Variants in COP1 observed in about 807,000 individuals in gnomAD.
COP1 encodes the protein E3 ubiquitin-protein ligase COP1.
COP1 carries 24 observed loss-of-function variants against 101.3 expected under a neutral mutation model. The ratio of observed to expected loss-of-function variants is 0.24; its 90% CI spans 0.17 to 0.33. COP1 has a LOEUF of 0.33. Ranked by LOEUF, COP1 falls within the 10% of genes least tolerant of loss-of-function variation. COP1 has a pLI of 1.00. For missense variants in COP1, 663 were observed against 906.2 expected, an observed-to-expected ratio of 0.73 and a Z score of 3.45; for synonymous variants, 347 against 341.9, an observed-to-expected ratio of 1.01 and a Z score of -0.17.
chr1:176,170,031 G>A (rs1695801802), intron 3 of COP1, among the ~76,000 whole-genome samples: 1 of 152,166 alleles, frequency 6.6e-6, no homozygotes, highest in Admixed American at 6.6e-5. Context: ...TCATCCATAA[G>A]AAACAATTCC....
chr1:176,200,286 C>T (rs752044401), intron 1 of COP1, among the ~76,000 whole-genome samples: 1 of 152,206 alleles, frequency 6.6e-6, no homozygotes, highest in Non-Finnish European at 1.5e-5. Context: ...ACAACACATT[C>T]CATCTTCACT....
At position 176,170,853 on chromosome 1, in the gene COP1, T is replaced by C. The variant is rs139698398; in HGVS notation, c.565+5057A>G. Among the ~76,000 whole-genome samples the C allele has an allele frequency of 2.6e-3, 397 of 152,208 alleles. 3 individuals carry two copies. The highest frequency in any genetic ancestry group is 9.1e-3 in the African/African-American group (379 of 41,544). ...CAAAAGAAGTCTGTTAGGCAAGGCG[T>C]GATAGCTCACGCCTGTAATCCCAGC... On this transcript the variant is annotated intron_variant, in intron 3 of 19. Transcript: ENST00000367669.
intron 18 of COP1, among the ~76,000 whole-genome samples, chr1:175,949,168 C>CAAAAAAAAAAAAAAAAAAAAAA (rs56280543): frequency 2.3e-4 from 10 of 43,160 alleles, no homozygotes; most frequent in African/African-American, 7.2e-4. Context: ...GGCTCCGTCT[C>CAAAAAAAAAAAAAAAAAAAAAA]AAAAAAAAAA....
intron 5 of COP1, among the ~76,000 whole-genome samples, chr1:176,160,450 C>G (rs1038782908): frequency 6.6e-6 from 1 of 151,722 alleles, no homozygotes; most frequent in African/African-American, 2.4e-5. Context: ...AGCTTCTACA[C>G]AGCAAAAGAA....
chr1:176,069,487 T>C (rs901448870), intron 11 of COP1, among the ~76,000 whole-genome samples: 7 of 152,198 alleles, frequency 4.6e-5, no homozygotes, highest in Non-Finnish European at 1.0e-4. Context: ...AAGTTATTTA[T>C]CCTCCAATCG....
At chr1:176,132,615 C>G (rs1208147856) in intron 8 of COP1, among the ~76,000 whole-genome samples, 1 of 106,054 alleles carries the variant, frequency 9.4e-6, no homozygotes, top group Non-Finnish European at 1.9e-5. Flanking sequence ...CGTATATATA[C>G]TATATATACA....
At chr1:175,988,657 A>G (rs1657696345) in intron 16 of COP1, 1 of 342,984 alleles carries the variant, frequency 2.9e-6, no homozygotes, top group Non-Finnish European at 5.3e-6. Flanking sequence ...ACATAGCAAA[A>G]CACCGTCTCT....
At chr1:176,044,247 T>C (rs1671111492) in intron 12 of COP1, among the ~76,000 whole-genome samples, 1 of 152,174 alleles carries the variant, frequency 6.6e-6, no homozygotes, top group African/African-American at 2.4e-5. Flanking sequence ...GTGAATTGGG[T>C]TTCTGTATTT....
chr1:176,094,592 T>C (rs1681989570), intron 9 of COP1, among the ~76,000 whole-genome samples: 1 of 150,802 alleles, frequency 6.6e-6, no homozygotes, highest in Non-Finnish European at 1.5e-5. Context: ...AGAAAAATGA[T>C]CACATTTAGC....
intron 15 of COP1, among the ~76,000 whole-genome samples, chr1:176,002,307 T>C (rs946479788): frequency 6.6e-6 from 1 of 152,046 alleles, no homozygotes; most frequent in Admixed American, 6.6e-5. Context: ...TAATCACAAC[T>C]GACCTATCTC....
intron 15 of COP1, among the ~76,000 whole-genome samples, chr1:175,992,621 C>T (rs936152412): frequency 3.9e-5 from 6 of 152,226 alleles, no homozygotes; most frequent in Admixed American, 1.3e-4. Flanking sequence ...GAGGGTCCTA[C>T]GCCCACGGAG....
chr1:175,958,315 C>T (rs1379514543), intron 18 of COP1, among the ~76,000 whole-genome samples: 2 of 151,892 alleles, frequency 1.3e-5, no homozygotes, highest in Non-Finnish European at 1.5e-5. Flanking sequence ...TTTCTGATTT[C>T]CCAACATAAT....
At chr1:175,984,822 C>T (rs1204183241) in intron 18 of COP1, among the ~76,000 whole-genome samples, 10 of 152,146 alleles carry the variant, frequency 6.6e-5, no homozygotes, top group Non-Finnish European at 2.9e-5. Context: ...GATTTGACTG[C>T]CCTGTTGGAT....
chr1:176,061,091 G>C (rs1336711394), intron 11 of COP1, among the ~76,000 whole-genome samples: 2 of 152,090 alleles, frequency 1.3e-5, no homozygotes, highest in African/African-American at 4.8e-5. Context: ...ATGACAGTAT[G>C]GTACTGGCCT....
chr1:176,167,721 C>T lies in COP1; in HGVS notation c.566-3830G>A, dbSNP rs74977377. ...CGGTCTTTTTAGAGGCAGAACAGTACAGTAAAAGCACAGATGCTTGAGCCA... is the reference window on the plus strand; with the variant it reads ...CGGTCTTTTTAGAGGCAGAACAGTATAGTAAAAGCACAGATGCTTGAGCCA... On this transcript the variant is annotated intron_variant, in intron 3 of 19. Transcript: ENST00000367669. Among the ~76,000 whole-genome samples the T allele has an allele frequency of 8.1e-4, 123 of 152,270 alleles. 1 individual carries two copies. In the East Asian group the frequency reaches 0.016, roughly 20 times the overall value.
intron 15 of COP1, among the ~76,000 whole-genome samples, chr1:175,998,187 C>A (rs1660736706): frequency 1.4e-5 from 2 of 147,952 alleles, no homozygotes; most frequent in Non-Finnish European, 3.0e-5. Flanking sequence ...TGGAAATCAT[C>A]ATTCTCAGTA....
intron 14 of COP1, among the ~76,000 whole-genome samples, chr1:176,031,495 C>T (rs1026549750): frequency 1.4e-4 from 22 of 151,990 alleles, no homozygotes; most frequent in South Asian, 2.1e-4. Context: ...AATTTATTGA[C>T]GAAAATTCCC....
intron 18 of COP1, among the ~76,000 whole-genome samples, chr1:175,977,392 T>G (rs1654833391): frequency 6.6e-6 from 1 of 152,282 alleles, no homozygotes; most frequent in East Asian, 1.9e-4. Flanking sequence ...CAAAATTAAA[T>G]GGCTTCTTTA....
intron 5 of COP1, chr1:176,160,321 T>C (rs1694131328): frequency 2.7e-6 from 1 of 376,298 alleles, no homozygotes; most frequent in African/African-American, 2.2e-5. Context: ...AATGTGTAGG[T>C]TTGTTACCTA....
Sources: allele counts gnomAD v4.1 joint callset (sites outside exome capture counted in the v4.1 genomes callset), GRCh38; gene constraint gnomAD v4.1.1; transcripts MANE v1.5; gene names NCBI Gene and HGNC (gene_info 2026-07-23, HGNC 2026-07-21).